CEP89: variants seen among roughly 807,000 people sequenced by gnomAD.
CEP89 encodes the protein centrosomal protein of 89 kDa.
Under a neutral mutation model 97.6 loss-of-function variants are expected in CEP89, and 95 were observed. The observed-to-expected ratio is 0.97, with a 90% confidence interval of 0.82 to 1.15. The LOEUF is 1.15. Among genes scored for constraint, CEP89 ranks in the 50% most tolerant of loss-of-function variants. The probability of loss-of-function intolerance (pLI) is 0.00; values close to 1 mark genes in which losing one functional copy is unlikely to be tolerated. For synonymous variants in CEP89, 354 were observed against 349.1 expected (o/e 1.01, Z -0.16); for missense variants, 869 against 947.7 (o/e 0.92, Z 1.09).
At chr19:32,896,765 G>GTC (rs199765675) in intron 16 of CEP89, among the ~76,000 whole-genome samples, 21 of 150,946 alleles carry the variant, frequency 1.4e-4, no homozygotes, top group African/African-American at 4.1e-4. Flanking sequence ...AGTTCTCTCT[G>GTC]TCTCTCTCTC....
In CEP89 at chr19:32,953,792, C is replaced by G; in HGVS notation, c.315G>C (p.Trp105Cys). The G allele has an allele frequency of 6.2e-7, 1 of 1,613,016 alleles. No homozygotes were observed. Among genetic ancestry groups the G allele is most frequent in the Non-Finnish European group, 8.5e-7 (1 of 1,179,194 alleles). The stretch of plus-strand genomic sequence containing the variant: ...AAGATCTTCTTCCCATCTCACTCTG[C>G]CAATTTGGCCTGTATTAGAATATTC... ...TTSQLRPRPN[W>C]QSEMGRRSSL... Residue 105 changes from tryptophan to cysteine, a missense_variant, in exon 4 of 19, where the codon TGG (tryptophan) becomes TGC (cysteine). Trp to Cys is a radical substitution (Grantham distance 215). Coordinates refer to ENST00000305768, the MANE Select transcript of CEP89 (RefSeq NM_032816.5).
chr19:32,940,106 C>T (rs568043590), intron 5 of CEP89, among the ~76,000 whole-genome samples: 41 of 152,294 alleles, frequency 2.7e-4, no homozygotes, highest in Admixed American at 2.4e-3. Context: ...TGACCACCAT[C>T]CGTGGCTCAC....
At position 32,876,083 on chromosome 19, in the gene CEP89, T is replaced by A. The variant is rs1969176946; in HGVS notation, c.*3079A>T. On this transcript the variant is annotated 3_prime_UTR_variant, in exon 19 of 19. Transcript: ENST00000305768. The stretch of plus-strand genomic sequence containing the variant: ...GTGCCCCAGCCTGCTTTGTCCACTG[T>A]CTCCATTTCCCCAGGGCTGCTTTTA... The A allele has an allele frequency of 6.6e-6, 1 of 152,660 alleles. No individual in the cohort carries two copies. Among genetic ancestry groups the A allele is most frequent in the South Asian group, 2.1e-4 (1 of 4,830 alleles). 9.5% of individuals were successfully genotyped at this position (152,660 alleles called of 1,614,324 possible). A position where few individuals can be genotyped will look rare whatever the true frequency, so the allele number is the denominator to read the frequency against.
intron 15 of CEP89, 33 bp from the exon 16 acceptor site, chr19:32,900,031 GCCC>G: frequency 2.5e-6 from 4 of 1,610,184 alleles, no homozygotes; most frequent in Non-Finnish European, 3.4e-6. Flanking sequence ...AGAATAAAAA[GCCC>G]ATTAGTTTAC....
chr19:32,879,374 T>C lies in CEP89; in HGVS notation c.2140A>G (p.Met714Val), dbSNP rs1969230941. The change falls in exon 19 of 19, where the codon ATG becomes GTG. Residue 714 changes from methionine to valine, a missense_variant. Coordinates refer to ENST00000305768, the MANE Select transcript of CEP89 (RefSeq NM_032816.5). The part of the protein sequence containing the change: ...LDQALQQNRE[M>V]EGELEVIWES... ...CAAATAACTTCAAGTTCACCTTCCATTTCTCTGAGGGAAATAAGTTTAAAA... is the reference window on the plus strand; with the variant it reads ...CAAATAACTTCAAGTTCACCTTCCACTTCTCTGAGGGAAATAAGTTTAAAA... 6.2e-7 allele frequency: 1 copy of C among 1,613,344 alleles called. No individual in the cohort carries two copies. Among genetic ancestry groups the C allele is most frequent in the Non-Finnish European group, 8.5e-7 (1 of 1,179,240 alleles).
chr19:32,929,262 A>G (rs1248922682), intron 9 of CEP89, among the ~76,000 whole-genome samples: 6 of 152,202 alleles, frequency 3.9e-5, no homozygotes, highest in African/African-American at 7.2e-5. Flanking sequence ...GTAGAATGCT[A>G]TAAGTGCCTT....
intron 6 of CEP89, among the ~76,000 whole-genome samples, chr19:32,938,277 C>T (rs566991527): frequency 3.4e-4 from 52 of 152,224 alleles, no homozygotes; most frequent in African/African-American, 1.2e-3. Flanking sequence ...TGTGGGCTCA[C>T]GTTGAAAAGC....
chr19:32,953,251 A>C (rs937226673), intron 4 of CEP89, among the ~76,000 whole-genome samples: 11 of 151,462 alleles, frequency 7.3e-5, no homozygotes, highest in Admixed American at 6.0e-4. Context: ...TGAGACACGC[A>C]TGACGATCTT....
At chr19:32,923,372 T>C (rs1394603178) in intron 12 of CEP89, 67 bp downstream of exon 12, 3 of 763,354 alleles carry the variant, frequency 3.9e-6, no homozygotes, top group African/African-American at 1.8e-5. Context: ...TTGATAATTT[T>C]ATAACATATT....
At chr19:32,904,267 C>G (rs1212679241) in intron 14 of CEP89, among the ~76,000 whole-genome samples, 2 of 152,236 alleles carry the variant, frequency 1.3e-5, no homozygotes, top group East Asian at 3.8e-4. Flanking sequence ...AGAGAAAACA[C>G]ACGTTATCTT....
At chr19:32,904,070 G>A (rs1206220515) in intron 14 of CEP89, among the ~76,000 whole-genome samples, 1 of 151,598 alleles carries the variant, frequency 6.6e-6, no homozygotes, top group African/African-American at 2.4e-5. Flanking sequence ...TGAGGCAGGA[G>A]GATCACTTGA....
At chr19:32,913,311 TTGTTG>T (rs769929426) in intron 14 of CEP89, among the ~76,000 whole-genome samples, 459 of 26,668 alleles carry the variant, frequency 0.017, 3 homozygotes, top group South Asian at 0.027. Context: ...ATATATTTTT[TTGTTG>T]TTGTTGTTGT....
intron 12 of CEP89, among the ~76,000 whole-genome samples, chr19:32,923,118 C>T (rs546744106): frequency 1.4e-4 from 21 of 152,172 alleles, no homozygotes; most frequent in Admixed American, 1.2e-3. Context: ...TGGGAGCCAT[C>T]GCTGGGGCCT....
chr19:32,915,308 A>G (rs772117106), intron 14 of CEP89, 29 bp downstream of exon 14: 33 of 1,559,424 alleles, frequency 2.1e-5, no homozygotes, highest in African/African-American at 1.5e-4. Context: ...AAGAAAAAAA[A>G]AAAAAAAGAA....
chr19:32,892,163 CATATATTTAGACAT>C (rs1969535464), intron 16 of CEP89, among the ~76,000 whole-genome samples: 1 of 129,716 alleles, frequency 7.7e-6, no homozygotes, highest in South Asian at 2.4e-4. Context: ...TTTAGACATA[CATATATTTAGACAT>C]ATATATTTAG....
intron 18 of CEP89, among the ~76,000 whole-genome samples, chr19:32,880,977 A>C (rs2145864734): frequency 6.6e-6 from 1 of 152,254 alleles, no homozygotes; most frequent in East Asian, 1.9e-4. Flanking sequence ...CCTCAAAGAA[A>C]GGAGGGGTGG....
At chr19:32,926,126 T>A (rs1369445466) in intron 11 of CEP89, 64 bp downstream of exon 11, 1 of 1,179,422 alleles carries the variant, frequency 8.5e-7, no homozygotes. Flanking sequence ...AATGTTTTTA[T>A]AAAATTTGAA....
At chr19:32,948,932 T>C (rs929483194) in intron 4 of CEP89, among the ~76,000 whole-genome samples, 7 of 152,116 alleles carry the variant, frequency 4.6e-5, no homozygotes, top group Admixed American at 3.9e-4. Flanking sequence ...CTCCTTATGT[T>C]GCCCAGGTTC....
At chr19:32,927,536 T>C (rs1196590506) in intron 9 of CEP89, among the ~76,000 whole-genome samples, 2 of 152,152 alleles carry the variant, frequency 1.3e-5, no homozygotes, top group Non-Finnish European at 1.5e-5. Flanking sequence ...ATTTTCCCAC[T>C]AATGTTCTTT....
Sources: allele counts gnomAD v4.1 joint callset (sites outside exome capture counted in the v4.1 genomes callset), GRCh38; gene constraint gnomAD v4.1.1; transcripts MANE v1.5; gene names NCBI Gene and HGNC (gene_info 2026-07-23, HGNC 2026-07-21).